DOCK1: variants seen among roughly 807,000 people sequenced by gnomAD.
DOCK1 encodes dedicator of cytokinesis 1.
Under a neutral mutation model 262.7 loss-of-function variants are expected in DOCK1, and 138 were observed. The observed-to-expected ratio is 0.53, with a 90% CI of 0.46 to 0.61. DOCK1 has a LOEUF of 0.61. DOCK1 is among the 20% of genes least tolerant of loss of function. The pLI is 0.00. For synonymous variants in DOCK1, 866 were observed against 867.4 expected (o/e 1.00, Z 0.03); for missense variants, 1,908 against 2,370.7 (o/e 0.80, Z 4.05).
At chr10:126,919,934 G>A (rs2033004925) in intron 1 of DOCK1, among the ~76,000 whole-genome samples, 1 of 152,212 alleles carries the variant, frequency 6.6e-6, no homozygotes, top group Non-Finnish European at 1.5e-5. Flanking sequence ...GGAGAACCAT[G>A]AGTTTTCTGT....
chr10:127,157,459 T>G (rs952709380), intron 27 of DOCK1, among the ~76,000 whole-genome samples: 1 of 152,244 alleles, frequency 6.6e-6, no homozygotes, highest in Non-Finnish European at 1.5e-5. Flanking sequence ...TTATAGGTGG[T>G]TGAATGACAT....
intron 27 of DOCK1, among the ~76,000 whole-genome samples, chr10:127,178,449 G>A (rs937569039): frequency 6.6e-6 from 1 of 152,162 alleles, no homozygotes; most frequent in Non-Finnish European, 1.5e-5. Flanking sequence ...CACTGAAGAA[G>A]TAGCACCGCT....
intron 27 of DOCK1, among the ~76,000 whole-genome samples, chr10:127,205,970 T>C (rs1267968393): frequency 6.6e-6 from 1 of 152,118 alleles, no homozygotes; most frequent in Admixed American, 6.5e-5. Context: ...GTATGACTTA[T>C]CAACAAGTAA....
rs1032818260 is a variant in DOCK1, at chr10:127,100,311, C to T, written c.2446-5920C>T. Among the ~76,000 whole-genome samples, 1 of 152,008 alleles carries T rather than the reference C, an allele frequency of 6.6e-6. No homozygotes were observed. Among genetic ancestry groups the T allele is most frequent in the Non-Finnish European group, 1.5e-5 (1 of 67,994 alleles). On this transcript the variant is annotated intron_variant, in intron 23 of 51. Coordinates refer to ENST00000623213, the MANE Select transcript of DOCK1 (RefSeq NM_001290223.2). The surrounding 1 kb of genome is among the most constrained non-coding windows in gnomAD (Gnocchi z 5.5). ...TCCGGGGGGAGTTAACAGCCTGAACCGAGGGCTCTGTCGCTGCCTAGAAGG... is the reference window on the plus strand; with the variant it reads ...TCCGGGGGGAGTTAACAGCCTGAACTGAGGGCTCTGTCGCTGCCTAGAAGG...
chr10:127,280,068 T>G (rs375887370), intron 29 of DOCK1, among the ~76,000 whole-genome samples: 2 of 145,174 alleles, frequency 1.4e-5, no homozygotes, highest in East Asian at 4.0e-4. Flanking sequence ...GGAGTCTCGC[T>G]CTGTCGCCCA....
rs1409926515 is a variant in DOCK1 at position 127,451,358 on chromosome 10, A to C, written c.5592A>C (p.Lys1864Asn). Residue 1864 changes from lysine to asparagine, a missense_variant, in exon 52 of 52, where the codon AAA becomes AAC. Physicochemically the swap from Lys to Asn is moderately conservative, Grantham distance 94. Coordinates refer to ENST00000623213, the MANE Select transcript of DOCK1 (RefSeq NM_001290223.2). The part of the protein sequence containing the change: ...QRHLPPPLPS[K>N]TPPPPPPKTT... Reference sequence around the variant, plus strand: ...ATCTGCCACCTCCACTGCCCAGCAAAACTCCGCCTCCTCCCCCTCCAAAGA... The same window carrying C: ...ATCTGCCACCTCCACTGCCCAGCAACACTCCGCCTCCTCCCCCTCCAAAGA... 1 of 1,600,016 alleles carries C rather than the reference A, an allele frequency of 6.2e-7. No homozygotes were observed. Among genetic ancestry groups the C allele is most frequent in the African/African-American group, 1.3e-5 (1 of 74,472 alleles).
In DOCK1 at chr10:127,175,163, G is replaced by T; in HGVS notation, c.2847+47399G>T. On this transcript the variant is annotated intron_variant, in intron 27 of 51. Transcript: ENST00000623213. This position sits in a 1 kb window ranked among gnomAD's most constrained non-coding sequence, Gnocchi z 6.3. ...GGGTTTGGGGCTACAGATGGACTCTGTGGTGATCAGCCTGCATAGCTTCCT... is the reference window on the plus strand; with the variant it reads ...GGGTTTGGGGCTACAGATGGACTCTTTGGTGATCAGCCTGCATAGCTTCCT... 1 of 1,487,920 alleles carries T rather than the reference G, an allele frequency of 6.7e-7. No homozygotes were observed. Among genetic ancestry groups the T allele is most frequent in the Non-Finnish European group, 9.2e-7 (1 of 1,082,756 alleles). The allele number at this position is 1,487,920 out of a possible 1,614,324, so 92.2% of individuals were successfully genotyped here. A position where few individuals can be genotyped will look rare whatever the true frequency, so the allele number is the denominator to read the frequency against.
chr10:127,275,253 G>T (rs1329235685), intron 29 of DOCK1, among the ~76,000 whole-genome samples: 2 of 143,642 alleles, frequency 1.4e-5, no homozygotes, highest in Non-Finnish European at 3.1e-5. Context: ...GTAATAGGAA[G>T]AAAAAAAAAA....
At chr10:127,434,125 T>G (rs1320287502) in intron 48 of DOCK1, among the ~76,000 whole-genome samples, 2 of 151,926 alleles carry the variant, frequency 1.3e-5, no homozygotes, top group Non-Finnish European at 2.9e-5. Context: ...AGAGTCAGGC[T>G]TTCATGATGG....
chr10:127,257,420 T>A lies in DOCK1; in HGVS notation c.3035T>A (p.Val1012Glu). Residue 1012 changes from valine (V) to glutamate (E), a missense_variant, in exon 29 of 52, where the codon GTG becomes GAG. By Grantham distance (121) the Val-to-Glu change is moderately radical. Transcript: ENST00000623213. ...TTCGACTGGGTGATCATGAACATGG[T>A]GCAAAATAAGTAAGTGTGGGGAAAA... ...YPFDWVIMNM[V>E]QNKVFLRAIN... is the part of the protein sequence containing the mutation. The A allele has an allele frequency of 1.9e-6, 3 of 1,602,820 alleles. No homozygotes were observed. The highest frequency in any genetic ancestry group is 2.6e-6 in the Non-Finnish European group (3 of 1,173,970).
intron 12 of DOCK1, among the ~76,000 whole-genome samples, chr10:127,014,646 C>T (rs1479680564): frequency 1.3e-5 from 2 of 152,188 alleles, no homozygotes; most frequent in Admixed American, 6.5e-5. Context: ...GACATTCATT[C>T]TCCAGGGAGG....
intron 38 of DOCK1, among the ~76,000 whole-genome samples, chr10:127,387,984 G>A (rs1230687934): frequency 6.6e-6 from 1 of 152,020 alleles, no homozygotes; most frequent in East Asian, 1.9e-4. Flanking sequence ...ACTGAGATCT[G>A]CAGGAGGCAT....
intron 31 of DOCK1, among the ~76,000 whole-genome samples, chr10:127,354,295 T>C (rs560703369): frequency 9.2e-5 from 14 of 152,306 alleles, no homozygotes; most frequent in Non-Finnish European, 1.9e-4. Context: ...AAGCAACCTG[T>C]TGTGTGCAGT....
At chr10:127,117,602 GTGGTGCCAACAGTTTATGGTATAGT>G (rs1286103342) in intron 25 of DOCK1, among the ~76,000 whole-genome samples, 1 of 152,050 alleles carries the variant, frequency 6.6e-6, no homozygotes, top group Non-Finnish European at 1.5e-5. Context: ...GATCAAATTG[GTGGTGCCAACAGTTTATGGTATAGT>G]TGGTGTAAAC....
At position 127,023,161 on chromosome 10, in the gene DOCK1, A is replaced by G. The variant is rs543053406; in HGVS notation, c.1328-39A>G. On this transcript the variant is annotated intron_variant, in intron 13 of 51. Transcript: ENST00000623213. ...AAAATTCACAATTACGCTATTAATA[A>G]TGGATTGTTTTTTAAATGTATGATT... 1.8e-5 allele frequency: 29 copies of G among 1,608,910 alleles called. 1 individual carries two copies. In the African/African-American group the frequency reaches 1.9e-4, roughly 10 times the overall value.
rs546074981 is a variant in DOCK1, at chr10:127,362,356, C to G, written c.3432+144C>G. On this transcript the variant is annotated intron_variant, in intron 33 of 51. Transcript: ENST00000623213. The stretch of plus-strand genomic sequence containing the variant: ...TCCTACAGCTTGAGAGAGAAAAAGC[C>G]TATGATTTTCCTTATTGAAGAAGCT... The G allele has an allele frequency of 3.9e-6, 4 of 1,012,752 alleles. No individual in the cohort carries two copies. The East Asian group carries it at 1.2e-4, about 30-fold the overall frequency. The allele number at this position is 1,012,752 out of a possible 1,614,324, so 62.7% of individuals were successfully genotyped here.
At chr10:127,116,838 A>G (rs1226262025) in intron 25 of DOCK1, among the ~76,000 whole-genome samples, 1 of 152,240 alleles carries the variant, frequency 6.6e-6, no homozygotes, top group African/African-American at 2.4e-5. Context: ...AGCATTCTGC[A>G]GTACTTTAAT....
At chr10:127,113,606 T>C (rs1056780402) in intron 25 of DOCK1, among the ~76,000 whole-genome samples, 1 of 152,162 alleles carries the variant, frequency 6.6e-6, no homozygotes, top group African/African-American at 2.4e-5. Context: ...CCTTGGTTGT[T>C]TCTGGCCTTG....
chr10:127,143,712 T>C (rs951078), intron 27 of DOCK1, among the ~76,000 whole-genome samples: 124,019 of 152,104 alleles, frequency 0.82, 51,503 homozygotes, highest in South Asian at 0.92. Context: ...AGTTGGGATC[T>C]GGATCCCAGG....
Sources: allele counts gnomAD v4.1 joint callset (sites outside exome capture counted in the v4.1 genomes callset), GRCh38; gene constraint gnomAD v4.1.1; non-coding constraint Gnocchi (gnomAD v3.1); transcripts MANE v1.5; gene names NCBI Gene and HGNC (gene_info 2026-07-23, HGNC 2026-07-21).